Variants in ARIH1 observed in about 807,000 individuals in gnomAD.
ARIH1 encodes E3 ubiquitin-protein ligase ARIH1.
In ARIH1, 8 loss-of-function variants were observed where a neutral mutation model predicts 85.0. The observed-to-expected ratio is 0.09, with a 90% confidence interval of 0.06 to 0.17. The LOEUF (loss-of-function observed/expected upper bound fraction) is 0.17, where lower values mean the gene tolerates loss of function less well. ARIH1 is among the 10% of genes least tolerant of loss of function. ARIH1 has a pLI of 1.00. For missense variants in ARIH1, 311 were observed against 718.1 expected (o/e 0.43, Z 6.48); for synonymous variants, 238 against 253.6 (o/e 0.94, Z 0.59).
At chr15:72,557,749 T>A (rs2064180832) in intron 5 of ARIH1, among the ~76,000 whole-genome samples, 1 of 152,190 alleles carries the variant, frequency 6.6e-6, no homozygotes, top group African/African-American at 2.4e-5. Context: ...GGGGTCAAGT[T>A]TCATTCTTCT....
At chr15:72,562,528 T>C (rs1307862461) in intron 6 of ARIH1, among the ~76,000 whole-genome samples, 2 of 152,082 alleles carry the variant, frequency 1.3e-5, no homozygotes, top group African/African-American at 4.8e-5. Flanking sequence ...TTTTTCATAA[T>C]ACTATAAAAG....
chr15:72,596,391 A>G lies in ARIH1; in HGVS notation c.*13099A>G, dbSNP rs2064363756. The G allele has an allele frequency of 6.6e-6, 1 of 152,026 alleles. No individual in the cohort carries two copies. Among genetic ancestry groups the G allele is most frequent in the Non-Finnish European group, 1.5e-5 (1 of 67,990 alleles). 9.4% of individuals were successfully genotyped at this position (152,026 alleles called of 1,614,324 possible). A position where few individuals can be genotyped will look rare whatever the true frequency, so the allele number is the denominator to read the frequency against. The stretch of plus-strand genomic sequence containing the variant: ...CTCAATGGCTGCATCTGTGCATTAT[A>G]TTTACTTTTCAGTAGATTGACTAGG... On this transcript the variant is annotated 3_prime_UTR_variant, in exon 14 of 14. Transcript: ENST00000379887.
At chr15:72,509,426 T>C (rs185114188) in intron 1 of ARIH1, among the ~76,000 whole-genome samples, 99 of 152,322 alleles carry the variant, frequency 6.5e-4, no homozygotes, top group African/African-American at 2.2e-3. Flanking sequence ...GATAAATGCC[T>C]AGAGTTGTGT....
Position 72,589,482 on chromosome 15 carries a change from A to G in ARIH1, c.*6190A>G, listed in dbSNP as rs138682630. 7.2e-5 allele frequency: 11 copies of G among 152,306 alleles called. No homozygotes were observed. Among genetic ancestry groups the G allele is most frequent in the African/African-American group, 2.4e-4 (10 of 41,556 alleles). The allele number at this position is 152,306 out of a possible 1,614,324, so 9.4% of individuals were successfully genotyped here. A position where few individuals can be genotyped will look rare whatever the true frequency, so the allele number is the denominator to read the frequency against. On this transcript the variant is annotated 3_prime_UTR_variant, in exon 14 of 14. Coordinates refer to ENST00000379887, the MANE Select transcript of ARIH1 (RefSeq NM_005744.5). The stretch of plus-strand genomic sequence containing the variant: ...GACCCCTAAAGTGGTATTGTCTACT[A>G]TCTGTACATCATTCTCTTACAGCTC...
chr15:72,511,174 A>G, intron 1 of ARIH1, among the ~76,000 whole-genome samples: 1 of 152,196 alleles, frequency 6.6e-6, no homozygotes, highest in Non-Finnish European at 1.5e-5. Flanking sequence ...TTTTCCGTGT[A>G]CACGTTCTTC....
intron 7 of ARIH1, among the ~76,000 whole-genome samples, chr15:72,563,969 C>T (rs1289947913): frequency 6.6e-6 from 1 of 152,184 alleles, no homozygotes; most frequent in South Asian, 2.1e-4. Context: ...ATAGTATACT[C>T]TTCAGCCTCT....
intron 6 of ARIH1, 108 bp from the exon 7 acceptor site, chr15:72,563,286 T>C: frequency 2.3e-6 from 2 of 860,234 alleles, no homozygotes; most frequent in East Asian, 5.0e-5. Context: ...CTGGAGTGCT[T>C]GACCTCAAAC....
chr15:72,571,129 C>CAAAA (rs56376097), intron 10 of ARIH1, among the ~76,000 whole-genome samples: 2 of 61,474 alleles, frequency 3.3e-5, no homozygotes, highest in African/African-American at 1.4e-4. Context: ...AACTGTGTCT[C>CAAAA]AAAAAAAAAA....
intron 1 of ARIH1, among the ~76,000 whole-genome samples, chr15:72,477,401 C>T (rs563899582): frequency 6.6e-6 from 1 of 152,336 alleles, no homozygotes; most frequent in South Asian, 2.1e-4. Context: ...AGAGAGCTTA[C>T]TGTTAACTCT....
At chr15:72,570,099 C>T in intron 9 of ARIH1, 78 bp from the exon 10 acceptor site, 2 of 1,519,620 alleles carry the variant, frequency 1.3e-6, no homozygotes, top group Non-Finnish European at 1.8e-6. Flanking sequence ...CAAACCAAAT[C>T]TAGAACTGGC....
At chr15:72,475,214 G>C (rs560115135) in intron 1 of ARIH1, 200 bp downstream of exon 1, 108 of 1,200,078 alleles carry the variant, frequency 9.0e-5, no homozygotes, top group Non-Finnish European at 1.1e-4. Context: ...GTGGGGAGGT[G>C]CGCTGGGGGC....
intron 9 of ARIH1, among the ~76,000 whole-genome samples, chr15:72,568,002 C>CT (rs2064228442): frequency 6.6e-6 from 1 of 152,160 alleles, no homozygotes; most frequent in Non-Finnish European, 1.5e-5. Flanking sequence ...CGCAGGTTGT[C>CT]TGTGTGTGTT....
intron 12 of ARIH1, 114 bp from the exon 13 acceptor site, chr15:72,581,961 C>A: frequency 1.5e-6 from 1 of 648,186 alleles, no homozygotes; most frequent in South Asian, 2.0e-5. Context: ...GTTAAACCAC[C>A]TATGAAAGTT....
At position 72,494,125 on chromosome 15, in the gene ARIH1, C is replaced by T. The variant is rs1331527920; in HGVS notation, c.375+19111C>T. 1.3e-5 allele frequency among the ~76,000 whole-genome samples: 2 copies of T among 151,860 alleles called. 1 individual carries two copies. Among genetic ancestry groups the T allele is most frequent in the Non-Finnish European group, 2.9e-5 (2 of 67,966 alleles). On this transcript the variant is annotated intron_variant, in intron 1 of 13. Transcript: ENST00000379887. ...TATGAATTTCTGAGGTTAGTGGGTC[C>T]CTAAATATAATGCTTCAGTTTAATT...
chr15:72,521,886 C>G (rs2064001907), intron 2 of ARIH1, among the ~76,000 whole-genome samples: 1 of 152,146 alleles, frequency 6.6e-6, no homozygotes, highest in Non-Finnish European at 1.5e-5. Context: ...CTTCTGTATT[C>G]ATCTCCCCAC....
chr15:72,485,932 T>A (rs1257310193), intron 1 of ARIH1, among the ~76,000 whole-genome samples: 1 of 152,212 alleles, frequency 6.6e-6, no homozygotes, highest in Non-Finnish European at 1.5e-5. Flanking sequence ...GTTTCTAACC[T>A]GGAGTGACTG....
chr15:72,519,475 G>GTTTTTTTTTTT (rs150165121), intron 2 of ARIH1, among the ~76,000 whole-genome samples: 13 of 62,576 alleles, frequency 2.1e-4, no homozygotes, highest in African/African-American at 7.8e-4. Context: ...TGTTTTTTTT[G>GTTTTTTTTTTT]TTTTTTTTTT....
intron 3 of ARIH1, among the ~76,000 whole-genome samples, chr15:72,553,345 TGTTA>T (rs2064161025): frequency 6.6e-6 from 1 of 152,196 alleles, no homozygotes. Flanking sequence ...TAGAACAAAG[TGTTA>T]GTTACTATTA....
rs550880216 is a variant in ARIH1, at chr15:72,586,198, A to T, written c.*2906A>T. The T allele has an allele frequency of 2.0e-5, 3 of 152,230 alleles. No homozygotes were observed. Among genetic ancestry groups the T allele is most frequent in the Non-Finnish European group, 4.4e-5 (3 of 68,034 alleles). 9.4% of individuals were successfully genotyped at this position (152,230 alleles called of 1,614,324 possible). A position where few individuals can be genotyped will look rare whatever the true frequency, so the allele number is the denominator to read the frequency against. ...GATACACGTGTATACATACACCCAT[A>T]TACAACAGATCCAAGACTGGCTGAC... On this transcript the variant is annotated 3_prime_UTR_variant, in exon 14 of 14. Transcript: ENST00000379887.
Sources: gnomAD v4.1 joint callset for allele counts (sites outside exome capture counted in the v4.1 genomes callset) on GRCh38, gnomAD v4.1.1 for gene constraint, MANE v1.5 for transcripts, NCBI Gene and HGNC (gene_info 2026-07-23, HGNC 2026-07-21) for gene names.